Variants in PWWP3A observed in about 807,000 individuals in gnomAD.
The protein encoded by PWWP3A is PWWP domain-containing DNA repair factor 3A.
PWWP3A carries 53 observed loss-of-function variants against 79.0 expected under a neutral mutation model. The observed-to-expected ratio is 0.67, with a 90% CI of 0.54 to 0.84. The LOEUF is 0.84. Among genes scored for constraint, PWWP3A ranks in the 40% least tolerant of loss-of-function variants. The pLI, the probability that PWWP3A is intolerant of heterozygous loss-of-function variation, is 0.00. For missense variants in PWWP3A, 973 were observed against 948.0 expected (o/e 1.03, Z -0.35); for synonymous variants, 443 against 394.4 (o/e 1.12, Z -1.46).
At chr19:1,364,051 CTG>C (rs2082076249) in intron 6 of PWWP3A, 1 of 442,464 alleles carries the variant, frequency 2.3e-6, no homozygotes, top group East Asian at 6.0e-5. Flanking sequence ...CCATTTTTGA[CTG>C]TAGTTTCCCA....
At chr19:1,367,105 T>A (rs2082145859) in intron 8 of PWWP3A, 55 bp from the exon 9 acceptor site, 1 of 1,443,948 alleles carries the variant, frequency 6.9e-7, no homozygotes, top group African/African-American at 1.4e-5. Flanking sequence ...GGAAAGGTTT[T>A]TAGCTTATTA....
chr19:1,360,305 C>T lies in PWWP3A; in HGVS notation c.384C>T (p.Ser128=), dbSNP rs765221813. Residue 128 remains serine, a synonymous_variant, in exon 5 of 14, where the codon TCC becomes TCT. Transcript: ENST00000591337. This position sits in a 1 kb window ranked among gnomAD's most constrained non-coding sequence, Gnocchi z 4.4. The stretch of plus-strand genomic sequence containing the variant: ...GAGGGAAGCCCATGGAGCATGTCTC[C>T]TCGCCCTGTGATTCGAACTCCTCAT... The part of the protein sequence containing the change: ...SLRGKPMEHV[S]SPCDSNSSSL... The T allele has an allele frequency of 1.9e-6, 3 of 1,613,870 alleles. No homozygotes were observed. Among genetic ancestry groups the T allele is most frequent in the Admixed American group, 1.7e-5 (1 of 60,010 alleles).
At position 1,367,604 on chromosome 19, in the gene PWWP3A, C is replaced by T. The variant is rs142092635; in HGVS notation, c.1422+384C>T. Reference sequence around the variant, plus strand: ...GGTGGCCTCGGTAGCCAGCCCCTTGCGGCCGGGGGCGTCCCTAGCTCAGCG... The same window carrying T: ...GGTGGCCTCGGTAGCCAGCCCCTTGTGGCCGGGGGCGTCCCTAGCTCAGCG... On this transcript the variant is annotated intron_variant, in intron 9 of 13. Coordinates refer to ENST00000591337, the MANE Select transcript of PWWP3A (RefSeq NM_001369789.1). Among the ~76,000 whole-genome samples the T allele has an allele frequency of 5.4e-3, 826 of 152,358 alleles. 2 individuals carry two copies. Among genetic ancestry groups the T allele is most frequent in the Non-Finnish European group, 7.8e-3 (530 of 68,026 alleles).
At chr19:1,367,121 A>G in intron 8 of PWWP3A, 39 bp from the exon 9 acceptor site, 4 of 1,521,594 alleles carry the variant, frequency 2.6e-6, no homozygotes, top group Non-Finnish European at 3.6e-6. Context: ...TATTAGAGGA[A>G]GTTCATTCAT....
At chr19:1,366,244 A>T in intron 7 of PWWP3A, 61 bp from the exon 8 acceptor site, 9 of 1,569,178 alleles carry the variant, frequency 5.7e-6, no homozygotes, top group Non-Finnish European at 7.9e-6. Flanking sequence ...GTCACAAAAA[A>T]ATATTTAAAA....
chr19:1,373,737 C>G (rs1301898960), intron 13 of PWWP3A: 1 of 153,196 alleles, frequency 6.5e-6, no homozygotes, highest in African/African-American at 2.4e-5. Context: ...GGTCTCCGGC[C>G]AGGGTGGCTT....
intron 5 of PWWP3A, among the ~76,000 whole-genome samples, chr19:1,361,257 A>G (rs1232271271): frequency 6.6e-6 from 1 of 152,174 alleles, no homozygotes; most frequent in Non-Finnish European, 1.5e-5. Flanking sequence ...TTTAGAAGGG[A>G]AGGGAGTTGA....
rs1185321160 is a variant in PWWP3A at position 1,369,926 on chromosome 19, A to G, written c.1549+280A>G. On this transcript the variant is annotated intron_variant, in intron 11 of 13. Transcript: ENST00000591337. The surrounding 1 kb of genome is among the most constrained non-coding windows in gnomAD (Gnocchi z 4.0). ...CCTGCTGTGGCTGGTGGCTGCACAC[A>G]TCAGATGTTGTGAAGAATGTAGGCC... Among the ~76,000 whole-genome samples, 1 of 152,162 alleles carries G rather than the reference A, an allele frequency of 6.6e-6. No individual in the cohort carries two copies. The highest frequency in any genetic ancestry group is 1.5e-5 in the Non-Finnish European group (1 of 68,020).
In PWWP3A at chr19:1,376,900, G is replaced by A; in HGVS notation, c.*324G>A. The A allele has an allele frequency of 4.2e-6, 1 of 238,146 alleles. No homozygotes were observed. Among genetic ancestry groups the A allele is most frequent in the Non-Finnish European group, 8.1e-6 (1 of 124,054 alleles). 14.8% of individuals were successfully genotyped at this position (238,146 alleles called of 1,614,324 possible). A position where few individuals can be genotyped will look rare whatever the true frequency, so the allele number is the denominator to read the frequency against. ...GCTGTGCTGTGGTTTCTCCCGACGT[G>A]CACATCGATCTCGTATGTGTGGCAT... is the stretch of plus-strand genomic sequence containing the variant. On this transcript the variant is annotated 3_prime_UTR_variant, in exon 14 of 14. Transcript: ENST00000591337.
chr19:1,360,276 CT>C lies in PWWP3A; in HGVS notation c.356del (p.Leu119ArgfsTer111). On this transcript the variant is annotated frameshift_variant, in exon 5 of 14. Transcript: ENST00000591337. LOFTEE classifies it high-confidence loss of function. This position sits in a 1 kb window ranked among gnomAD's most constrained non-coding sequence, Gnocchi z 4.4. ...SAGTGRADRS[L>X]RGKPMEHVSS... ...AGGGACAGGTAGAGCTGACCGGTCT[CT>C]GCGAGGGAAGCCCATGGAGCATGTC... The C allele has an allele frequency of 6.2e-7, 1 of 1,614,048 alleles. No individual in the cohort carries two copies. Among genetic ancestry groups the C allele is most frequent in the African/African-American group, 1.3e-5 (1 of 75,050 alleles).
chr19:1,373,155 C>G lies in PWWP3A; in HGVS notation c.2070C>G (p.Ser690Arg), dbSNP rs1007120415. The change falls in exon 13 of 14, where the codon AGC becomes AGG. Residue 690 changes from serine (S) to arginine (R), a missense_variant. Physicochemically the swap from Ser to Arg is moderately radical, Grantham distance 110. Coordinates refer to ENST00000591337, the MANE Select transcript of PWWP3A (RefSeq NM_001369789.1). The stretch of plus-strand genomic sequence containing the variant: ...AGTACATCAAGGGGCCTTCGCTGAG[C>G]TACCGGTAGGCCGCTCCCGGCGCTA... ...EEKYIKGPSL[S>R]YREKEIFDNQ... 1 of 1,614,030 alleles carries G rather than the reference C, an allele frequency of 6.2e-7. No individual in the cohort carries two copies. Among genetic ancestry groups the G allele is most frequent in the Non-Finnish European group, 8.5e-7 (1 of 1,179,920 alleles).
chr19:1,373,214 C>A (rs375887566), intron 13 of PWWP3A, 54 bp downstream of exon 13: 2 of 1,506,714 alleles, frequency 1.3e-6, no homozygotes, highest in African/African-American at 1.4e-5. Flanking sequence ...CTTGCAGTTT[C>A]TATTTCCACA....
chr19:1,357,708 C>T (rs1242116831), intron 3 of PWWP3A: 1 of 150,046 alleles, frequency 6.7e-6, no homozygotes, highest in African/African-American at 2.5e-5. Context: ...GAGGGCGCGT[C>T]TGGCACCGGG....
At chr19:1,366,784 G>A (rs1344825791) in intron 8 of PWWP3A, among the ~76,000 whole-genome samples, 2 of 152,242 alleles carry the variant, frequency 1.3e-5, no homozygotes, top group Non-Finnish European at 2.9e-5. Context: ...TGGGATGAAA[G>A]CACACGTGGA....
chr19:1,376,620 C>T lies in PWWP3A; in HGVS notation c.*44C>T, dbSNP rs371173930. The T allele has an allele frequency of 1.9e-5, 31 of 1,605,142 alleles. No homozygotes were observed. Among genetic ancestry groups the T allele is most frequent in the Non-Finnish European group, 2.5e-5 (29 of 1,173,660 alleles). On this transcript the variant is annotated 3_prime_UTR_variant, in exon 14 of 14. Transcript: ENST00000591337. ...TGTCAGCGGGGCCTGGCGGTGGAAG[C>T]GCCTCCAGTGTGCATGAGCGTGTCT... is the stretch of plus-strand genomic sequence containing the variant.
chr19:1,373,389 C>T (rs1198771516), intron 13 of PWWP3A: 4 of 573,046 alleles, frequency 7.0e-6, no homozygotes, highest in East Asian at 5.8e-5. Flanking sequence ...GTGGGCAGCA[C>T]GGGGCCACGG....
At chr19:1,374,450 C>T (rs1018036158) in intron 13 of PWWP3A, 6 of 152,220 alleles carry the variant, frequency 3.9e-5, no homozygotes, top group Admixed American at 1.3e-4. Context: ...CCAGTCTCCC[C>T]GCCGCACGGC....
At chr19:1,364,747 G>A (rs1027318028) in intron 7 of PWWP3A, among the ~76,000 whole-genome samples, 168 bp downstream of exon 7, 1 of 152,286 alleles carries the variant, frequency 6.6e-6, no homozygotes, top group East Asian at 1.9e-4. Context: ...GGAGATGCCT[G>A]TACCTAAATT....
intron 11 of PWWP3A, among the ~76,000 whole-genome samples, chr19:1,370,125 T>C (rs967735702): frequency 1.3e-5 from 2 of 152,138 alleles, no homozygotes; most frequent in African/African-American, 4.8e-5. Flanking sequence ...CCCCAGCTAC[T>C]CGGGAGGCAG....
Sources: allele counts gnomAD v4.1 joint callset (sites outside exome capture counted in the v4.1 genomes callset), GRCh38; gene constraint gnomAD v4.1.1; non-coding constraint Gnocchi (gnomAD v3.1); transcripts MANE v1.5; gene names NCBI Gene and HGNC (gene_info 2026-07-23, HGNC 2026-07-21).